The following PCDHGA7 variants were observed in gnomAD, a reference collection of about 807,000 sequenced individuals.
PCDHGA7 encodes protocadherin gamma subfamily A, 7.
A neutral mutation model predicts 58.3 loss-of-function variants in PCDHGA7; 44 were observed. The observed-to-expected ratio is 0.75, with a 90% CI of 0.59 to 0.97. The LOEUF (loss-of-function observed/expected upper bound fraction) is 0.97. Ranked by LOEUF, PCDHGA7 falls within the 50% of genes least tolerant of loss-of-function variation. The pLI is 0.00. For synonymous variants in PCDHGA7, 516 were observed against 504.2 expected (o/e 1.02, Z -0.31); for missense variants, 1,266 against 1,188.7 (o/e 1.06, Z -0.96).
At chr5:141,462,823 G>A (rs1420321501) in intron 1 of PCDHGA7, among the ~76,000 whole-genome samples, 1 of 152,170 alleles carries the variant, frequency 6.6e-6, no homozygotes, top group African/African-American at 2.4e-5. Flanking sequence ...TTGGACAGCA[G>A]ACATTGTAAA....
At chr5:141,464,009 T>C (rs1187492781) in intron 1 of PCDHGA7, among the ~76,000 whole-genome samples, 1 of 151,950 alleles carries the variant, frequency 6.6e-6, no homozygotes. Context: ...CTCATGCTTG[T>C]AATCCCACAC....
intron 1 of PCDHGA7, chr5:141,404,272 G>A (rs2094505108): frequency 6.2e-7 from 1 of 1,613,834 alleles, no homozygotes; most frequent in Non-Finnish European, 8.5e-7. Flanking sequence ...ACATCACCCT[G>A]CAAGTGACTG....
intron 1 of PCDHGA7, chr5:141,404,626 T>C (rs1443011566): frequency 1.2e-6 from 2 of 1,614,164 alleles, no homozygotes; most frequent in Admixed American, 3.3e-5. Flanking sequence ...AGAATGACAA[T>C]GCCCCAGAAA....
chr5:141,458,825 C>A (rs1417477907), intron 1 of PCDHGA7, among the ~76,000 whole-genome samples: 1 of 152,102 alleles, frequency 6.6e-6, no homozygotes, highest in Non-Finnish European at 1.5e-5. Context: ...CTCTGCCTCC[C>A]AGGCTCAAGT....
intron 2 of PCDHGA7, among the ~76,000 whole-genome samples, chr5:141,498,573 A>G (rs7725519): frequency 0.52 from 78,890 of 151,684 alleles, 21,175 homozygotes; most frequent in African/African-American, 0.65. Flanking sequence ...CAGGGCTAGT[A>G]TTGAGTTCTT....
intron 1 of PCDHGA7, among the ~76,000 whole-genome samples, chr5:141,449,103 A>G (rs1033077737): frequency 2.0e-5 from 3 of 152,206 alleles, no homozygotes; most frequent in African/African-American, 7.2e-5. Context: ...CATATGCAGT[A>G]TATCTTTGGG....
intron 1 of PCDHGA7, chr5:141,400,148 G>A (rs377393833): frequency 2.5e-6 from 4 of 1,614,056 alleles, no homozygotes; most frequent in African/African-American, 2.7e-5. Flanking sequence ...ATCACTGACC[G>A]CCCTGTACCC....
chr5:141,417,942 C>A (rs1324501154), intron 1 of PCDHGA7: 19 of 1,613,208 alleles, frequency 1.2e-5, no homozygotes, highest in Non-Finnish European at 1.5e-5. Flanking sequence ...TTCTACCCCA[C>A]GCTGTGTGAG....
rs144804989 is a variant in PCDHGA7 at position 141,489,791 on chromosome 5, C to T, written c.2425-5016C>T. 1.9e-6 allele frequency: 3 copies of T among 1,614,056 alleles called. No individual in the cohort carries two copies. Among genetic ancestry groups the T allele is most frequent in the Admixed American group, 1.7e-5 (1 of 60,010 alleles). Reference sequence around the variant, plus strand: ...AGCCACTTCTCTCTGAATGTGAAGACCCTAAAAGATGGGAAGCCATTCCCA... The same window carrying T: ...AGCCACTTCTCTCTGAATGTGAAGATCCTAAAAGATGGGAAGCCATTCCCA... On this transcript the variant is annotated intron_variant, in intron 1 of 3. Transcript: ENST00000518325. This position sits in a 1 kb window ranked among gnomAD's most constrained non-coding sequence, Gnocchi z 4.5.
chr5:141,492,320 G>T (rs1001784912), intron 1 of PCDHGA7, among the ~76,000 whole-genome samples: 1 of 152,206 alleles, frequency 6.6e-6, no homozygotes, highest in Non-Finnish European at 1.5e-5. Context: ...CTCCTCGCAC[G>T]TGGGCTTACG....
chr5:141,394,428 G>A lies in PCDHGA7; in HGVS notation c.2424+9105G>A, dbSNP rs199658498. On this transcript the variant is annotated intron_variant, in intron 1 of 3. Coordinates refer to ENST00000518325, the MANE Select transcript of PCDHGA7 (RefSeq NM_018920.4). ...ACTGGTAACAGCCAGCGACAGCGGG[G>A]ACCCGCCCCTCAGCAGCAACATGTC... 332 of 1,614,232 alleles carry A rather than the reference G, an allele frequency of 2.1e-4. 3 individuals are homozygous for A. In the African/African-American group the frequency reaches 4.0e-3, roughly 19 times the overall value.
chr5:141,384,769 G>C lies in PCDHGA7; in HGVS notation c.1870G>C (p.Gly624Arg), dbSNP rs778610936. The change falls in exon 1 of 4, where the codon GGC (glycine) becomes CGC (arginine). Residue 624 changes from glycine (G) to arginine (R), a missense_variant. Gly to Arg is a moderately radical substitution (Grantham distance 125). Transcript: ENST00000518325. The stretch of plus-strand genomic sequence containing the variant: ...ACTCTTTGCGGTTGGGCTGTACACG[G>C]GCGAGGTGCGCACGGCTCGGGCCCT... ...PGLFAVGLYT[G>R]EVRTARALLD... The C allele has an allele frequency of 6.2e-7, 1 of 1,613,914 alleles. No homozygotes were observed. The highest frequency in any genetic ancestry group is 8.5e-7 in the Non-Finnish European group (1 of 1,180,022).
In PCDHGA7 at chr5:141,389,374, G is replaced by A. The variant is rs192606668; in HGVS notation, c.2424+4051G>A. On this transcript the variant is annotated intron_variant, in intron 1 of 3. Coordinates refer to ENST00000518325, the MANE Select transcript of PCDHGA7 (RefSeq NM_018920.4). Reference sequence around the variant, plus strand: ...ATCATGGCCAGTGACCTGGAGCAGCGGGAGCTGTCATCCTACGTGTCCATA... The same window carrying A: ...ATCATGGCCAGTGACCTGGAGCAGCAGGAGCTGTCATCCTACGTGTCCATA... 1,030 of 1,613,784 alleles carry A rather than the reference G, an allele frequency of 6.4e-4. 16 individuals are homozygous for A. The East Asian group carries it at 0.021, about 33-fold the overall frequency.
chr5:141,400,007 C>G (rs907315450), intron 1 of PCDHGA7: 2 of 1,612,506 alleles, frequency 1.2e-6, no homozygotes, highest in African/African-American at 1.3e-5. Flanking sequence ...ACAGCGCGTG[C>G]CTTGGGCGAC....
At position 141,418,775 on chromosome 5, in the gene PCDHGA7, C is replaced by T. The variant is rs773519128; in HGVS notation, c.2424+33452C>T. 4 of 1,613,764 alleles carry T rather than the reference C, an allele frequency of 2.5e-6. No individual in the cohort carries two copies. In the East Asian group the frequency reaches 6.7e-5, roughly 27 times the overall value. ...TACAGGAAACATTCTAACTCAGCAG[C>T]CTTTGGATTTTGAAGAAGTAGAAAG... On this transcript the variant is annotated intron_variant, in intron 1 of 3. Transcript: ENST00000518325.
chr5:141,432,120 A>G lies in PCDHGA7; in HGVS notation c.2424+46797A>G, dbSNP rs764363553. 12 of 1,613,978 alleles carry G rather than the reference A, an allele frequency of 7.4e-6. No homozygotes were observed. The highest frequency in any genetic ancestry group is 5.3e-5 in the African/African-American group (4 of 74,894). ...AACGACAACCCGCCGGTCTTCCCTCAGGCCTCCTATTCCGCTTATATCCCA... is the reference window on the plus strand; with the variant it reads ...AACGACAACCCGCCGGTCTTCCCTCGGGCCTCCTATTCCGCTTATATCCCA... On this transcript the variant is annotated intron_variant, in intron 1 of 3. Transcript: ENST00000518325. The surrounding 1 kb of genome is among the most constrained non-coding windows in gnomAD (Gnocchi z 6.0).
chr5:141,500,139 CT>C (rs2099796692), intron 2 of PCDHGA7, among the ~76,000 whole-genome samples: 2 of 151,768 alleles, frequency 1.3e-5, no homozygotes, highest in East Asian at 3.9e-4. Context: ...TCTTTCTAAA[CT>C]TTTCTTTGTG....
chr5:141,512,555 A>C lies in PCDHGA7; in HGVS notation c.*1382A>C, dbSNP rs1294402882. 2.6e-5 allele frequency: 4 copies of C among 152,986 alleles called. No individual in the cohort carries two copies. The highest frequency in any genetic ancestry group is 9.6e-5 in the African/African-American group (4 of 41,472). 9.5% of individuals were successfully genotyped at this position (152,986 alleles called of 1,614,324 possible). A position where few individuals can be genotyped will look rare whatever the true frequency, so the allele number is the denominator to read the frequency against. ...AGTTCCCCAGTGCCTCCTTGTGCAT[A>C]GACCTTCTTCTCCCACCCCCTTCTG... On this transcript the variant is annotated 3_prime_UTR_variant, in exon 4 of 4. Transcript: ENST00000518325.
At position 141,491,346 on chromosome 5, in the gene PCDHGA7, T is replaced by A. The variant is rs760843553; in HGVS notation, c.2425-3461T>A. ...TCATTGTGGCTCTAGCGACCGTCAG[T>A]CTCTTATCCCTAGTCACCTTCACCT... On this transcript the variant is annotated intron_variant, in intron 1 of 3. Coordinates refer to ENST00000518325, the MANE Select transcript of PCDHGA7 (RefSeq NM_018920.4). This position sits in a 1 kb window ranked among gnomAD's most constrained non-coding sequence, Gnocchi z 6.9. The A allele has an allele frequency of 6.2e-7, 1 of 1,614,088 alleles. No individual in the cohort carries two copies. The highest frequency in any genetic ancestry group is 1.1e-5 in the South Asian group (1 of 91,080).
Sources: gnomAD v4.1 joint callset for allele counts (sites outside exome capture counted in the v4.1 genomes callset) on GRCh38, gnomAD v4.1.1 for gene constraint, Gnocchi (gnomAD v3.1) non-coding constraint, MANE v1.5 for transcripts, NCBI Gene and HGNC (gene_info 2026-07-23, HGNC 2026-07-21) for gene names.